The following COL11A1 variants were observed in gnomAD, a reference collection of about 807,000 sequenced individuals.
The protein encoded by COL11A1 is collagen type XI alpha 1 chain, also known as collagen alpha-1(XI) chain.
COL11A1 carries 74 observed loss-of-function variants against 265.2 expected under a neutral mutation model. The observed-to-expected ratio is 0.28, with a 90% CI of 0.23 to 0.34. The LOEUF is 0.34. Ranked by LOEUF, COL11A1 falls within the 10% of genes least tolerant of loss-of-function variation. COL11A1 has a pLI of 1.00. For synonymous variants in COL11A1, 816 were observed against 727.6 expected (o/e 1.12, Z -1.96); for missense variants, 2,165 against 2,263.6 (o/e 0.96, Z 0.88).
intron 3 of COL11A1, among the ~76,000 whole-genome samples, chr1:103,075,027 G>A (rs536103251): frequency 1.3e-5 from 2 of 152,236 alleles, no homozygotes; most frequent in East Asian, 3.9e-4. Context: ...TGCTGATAAG[G>A]AAGTGCCCAT....
chr1:102,968,272 G>A (rs1173265206), intron 37 of COL11A1, among the ~76,000 whole-genome samples: 1 of 152,164 alleles, frequency 6.6e-6, no homozygotes, highest in African/African-American at 2.4e-5. Flanking sequence ...AAAATATGCT[G>A]TTACAATCCA....
intron 1 of COL11A1, among the ~76,000 whole-genome samples, chr1:103,089,499 C>T (rs1220984170): frequency 6.6e-6 from 1 of 152,158 alleles, no homozygotes; most frequent in African/African-American, 2.4e-5. Flanking sequence ...TACATACTCA[C>T]ATCAGCTAAT....
intron 46 of COL11A1, among the ~76,000 whole-genome samples, chr1:102,934,063 G>C (rs750213188): frequency 3.2e-4 from 49 of 152,024 alleles, no homozygotes. Context: ...CGTCGCTCAC[G>C]CTGGGAGCTG....
intron 41 of COL11A1, among the ~76,000 whole-genome samples, chr1:102,958,467 A>T (rs1660581985): frequency 6.6e-6 from 1 of 152,180 alleles, no homozygotes; most frequent in Admixed American, 6.5e-5. Context: ...ATTTGGAATT[A>T]AAAAATTCAA....
intron 30 of COL11A1, among the ~76,000 whole-genome samples, chr1:102,986,657 C>T (rs572631795): frequency 1.2e-4 from 19 of 152,144 alleles, no homozygotes; most frequent in Admixed American, 1.1e-3. Context: ...TGATATTTTG[C>T]TTTAGTGTAT....
chr1:102,989,955 G>GA (rs1663964168), intron 28 of COL11A1, among the ~76,000 whole-genome samples: 2 of 152,238 alleles, frequency 1.3e-5, no homozygotes, highest in African/African-American at 4.8e-5. Flanking sequence ...GTAGGCGGAG[G>GA]CGGGCAGATT....
intron 31 of COL11A1, among the ~76,000 whole-genome samples, chr1:102,983,618 A>G (rs1663246870): frequency 1.3e-5 from 2 of 152,078 alleles, no homozygotes; most frequent in African/African-American, 2.4e-5. Flanking sequence ...GCATGGCCCT[A>G]TGACACCATG....
Position 102,890,479 on chromosome 1 carries a change from T to G in COL11A1, c.4328A>C (p.Lys1443Thr), listed in dbSNP as rs769350133. The change falls in exon 58 of 67, where the codon AAA becomes ACA. Residue 1443 changes from lysine (K) to threonine (T), a missense_variant. By Grantham distance (78) the Lys-to-Thr change is moderately conservative. Transcript: ENST00000370096. ...TTCACCCTTGGAGCCAGGGTCACCTTTGAGACCAGGTAAGCCAGGAGGTCC... is the reference window on the plus strand; with the variant it reads ...TTCACCCTTGGAGCCAGGGTCACCTGTGAGACCAGGTAAGCCAGGAGGTCC... ...PMGPPGLPGL[K>T]GDPGSKGEKG... 1.8e-5 allele frequency: 29 copies of G among 1,609,546 alleles called. 1 individual carries two copies. Among genetic ancestry groups the G allele is most frequent in the East Asian group, 1.6e-4 (7 of 44,680 alleles).
intron 29 of COL11A1, among the ~76,000 whole-genome samples, chr1:102,988,702 A>G (rs931135125): frequency 2.6e-5 from 4 of 152,164 alleles, no homozygotes; most frequent in Non-Finnish European, 4.4e-5. Flanking sequence ...ATCATATCAT[A>G]TATGACATTA....
chr1:103,107,743 T>G (rs1385228853), intron 1 of COL11A1, among the ~76,000 whole-genome samples: 1 of 152,104 alleles, frequency 6.6e-6, no homozygotes, highest in Non-Finnish European at 1.5e-5. Flanking sequence ...ACAAAAGCTT[T>G]GTATAACTGC....
At chr1:102,963,783 G>C (rs994228066) in intron 38 of COL11A1, among the ~76,000 whole-genome samples, 1 of 151,794 alleles carries the variant, frequency 6.6e-6, no homozygotes, top group Non-Finnish European at 1.5e-5. Context: ...TCCAAAACAT[G>C]ATGTTTTCTT....
At chr1:102,958,542 A>C (rs1219679792) in intron 41 of COL11A1, among the ~76,000 whole-genome samples, 1 of 152,146 alleles carries the variant, frequency 6.6e-6, no homozygotes, top group African/African-American at 2.4e-5. Context: ...AGCACTTGTT[A>C]TGAACTGAGT....
At chr1:102,898,607 A>AT (rs1186772734) in intron 56 of COL11A1, 59 bp downstream of exon 56, 2 of 1,437,228 alleles carry the variant, frequency 1.4e-6, no homozygotes, top group African/African-American at 1.4e-5. Flanking sequence ...TTCATTCAAA[A>AT]TTTTTTTAAA....
chr1:102,965,346 T>C (rs894500030), intron 38 of COL11A1, 141 bp downstream of exon 38: 1 of 847,152 alleles, frequency 1.2e-6, no homozygotes, highest in Non-Finnish European at 2.0e-6. Flanking sequence ...GTACGAAAGC[T>C]GCATATATTT....
At chr1:103,026,176 C>G (rs532914054) in intron 6 of COL11A1, 40 bp downstream of exon 6, 2 of 1,409,554 alleles carry the variant, frequency 1.4e-6, no homozygotes, top group Non-Finnish European at 2.0e-6. Flanking sequence ...GGATGACGAA[C>G]AGCAGGACAC....
intron 6 of COL11A1, chr1:103,025,862 T>G (rs370948092): frequency 9.3e-6 from 15 of 1,613,680 alleles, no homozygotes; most frequent in Non-Finnish European, 1.1e-5. Flanking sequence ...GATGAAAATT[T>G]TTCAGATTTG....
intron 14 of COL11A1, 105 bp downstream of exon 14, chr1:103,012,308 C>T: frequency 1.2e-6 from 1 of 806,278 alleles, no homozygotes; most frequent in Non-Finnish European, 2.2e-6. Flanking sequence ...GAAAACATAC[C>T]CTATTGTCAC....
chr1:102,913,431 A>T (rs1654931973), intron 53 of COL11A1, among the ~76,000 whole-genome samples: 1 of 152,170 alleles, frequency 6.6e-6, no homozygotes, highest in African/African-American at 2.4e-5. Context: ...TTCATTATAA[A>T]TACTGTTTAT....
chr1:103,074,492 C>CCCTT (rs771898991), intron 4 of COL11A1, 126 bp downstream of exon 4: 5 of 1,004,358 alleles, frequency 5.0e-6, no homozygotes, highest in Non-Finnish European at 7.4e-6. Flanking sequence ...GAGGAAGAAA[C>CCCTT]TAGGTCACCC....
Sources: allele counts gnomAD v4.1 joint callset (sites outside exome capture counted in the v4.1 genomes callset), GRCh38; gene constraint gnomAD v4.1.1; transcripts MANE v1.5; gene names NCBI Gene and HGNC (gene_info 2026-07-23, HGNC 2026-07-21).